ANKRD36C: variants seen among roughly 807,000 people sequenced by gnomAD.
The protein encoded by ANKRD36C is ankyrin repeat domain-containing protein 36C.
In ANKRD36C, 61 loss-of-function variants were observed where a neutral mutation model predicts 276.4. The observed-to-expected ratio is 0.22, with a 90% CI of 0.18 to 0.27. The LOEUF (loss-of-function observed/expected upper bound fraction) is 0.27. Among genes scored for constraint, ANKRD36C ranks in the 10% least tolerant of loss-of-function variants. The pLI is 1.00. For synonymous variants in ANKRD36C, 483 were observed against 680.1 expected, an observed-to-expected ratio of 0.71 and a Z score of 4.51; for missense variants, 1,447 against 2,032.3, an observed-to-expected ratio of 0.71 and a Z score of 5.54.
At chr2:95,926,664 A>G (rs1219378604) in intron 28 of ANKRD36C, among the ~76,000 whole-genome samples, 1 of 151,558 alleles carries the variant, frequency 6.6e-6, no homozygotes, top group Non-Finnish European at 1.5e-5. Context: ...AGCTTCTTTT[A>G]CAAAAATGTT....
At chr2:95,923,379 C>G (rs796882147) in intron 32 of ANKRD36C, 116 bp downstream of exon 32, 4 of 1,351,356 alleles carry the variant, frequency 3.0e-6, no homozygotes, top group South Asian at 2.6e-5. Flanking sequence ...GAAGAATCTC[C>G]GGCCTGCTGA....
At chr2:95,977,084 C>A (rs1678826893) in intron 6 of ANKRD36C, among the ~76,000 whole-genome samples, 1 of 151,960 alleles carries the variant, frequency 6.6e-6, no homozygotes, top group Non-Finnish European at 1.5e-5. Context: ...ACGTCTGCAT[C>A]TCCAACCTCA....
At chr2:95,983,379 T>G (rs1348597467) in intron 3 of ANKRD36C, among the ~76,000 whole-genome samples, 1 of 151,484 alleles carries the variant, frequency 6.6e-6, no homozygotes, top group African/African-American at 2.4e-5. Flanking sequence ...CAAATATTTA[T>G]GTAATTATAA....
At chr2:95,967,404 T>C (rs1678614541) in intron 6 of ANKRD36C, among the ~76,000 whole-genome samples, 2 of 152,280 alleles carry the variant, frequency 1.3e-5, no homozygotes, top group South Asian at 4.1e-4. Flanking sequence ...TCATCACTGA[T>C]CATTAGAGAA....
chr2:95,864,689 A>G (rs1675650901), intron 60 of ANKRD36C, among the ~76,000 whole-genome samples: 1 of 152,050 alleles, frequency 6.6e-6, no homozygotes, highest in Admixed American at 6.6e-5. Context: ...CTTGTCTGAT[A>G]AGCTTTTATT....
chr2:95,887,963 A>G, exon 50 of ANKRD36C: 1 of 1,599,602 alleles, frequency 6.3e-7, no homozygotes, highest in Non-Finnish European at 8.5e-7. Flanking sequence ...TTCTGTGGGT[A>G]TATTCGAAAC....
At chr2:95,920,470 T>C (rs1415141806) in intron 34 of ANKRD36C, among the ~76,000 whole-genome samples, 1 of 132,790 alleles carries the variant, frequency 7.5e-6, no homozygotes, top group African/African-American at 2.6e-5. Flanking sequence ...TGTTTGCTGA[T>C]ACCTAGTAGA....
intron 34 of ANKRD36C, among the ~76,000 whole-genome samples, chr2:95,920,354 C>T (rs1677230215): frequency 7.6e-6 from 1 of 132,254 alleles, no homozygotes; most frequent in Non-Finnish European, 1.7e-5. Flanking sequence ...TGCTCTTTAA[C>T]TTGCCCAATA....
chr2:95,968,017 A>G (rs1487647550), intron 6 of ANKRD36C, among the ~76,000 whole-genome samples: 12 of 152,168 alleles, frequency 7.9e-5, no homozygotes, highest in Admixed American at 2.0e-4. Context: ...GCTTGAACCC[A>G]GGAGGCAGAG....
intron 1 of ANKRD36C, among the ~76,000 whole-genome samples, chr2:95,990,331 A>C (rs982734685): frequency 6.6e-6 from 1 of 152,262 alleles, no homozygotes; most frequent in Non-Finnish European, 1.5e-5. Flanking sequence ...AGGCAATTGC[A>C]GTTTTCGCCA....
chr2:95,908,389 G>C, intron 42 of ANKRD36C, 113 bp downstream of exon 48: 1 of 1,186,856 alleles, frequency 8.4e-7, no homozygotes. Flanking sequence ...AGAATCTCAG[G>C]ACTGCTGAAT....
chr2:95,911,225 A>G lies in ANKRD36C; in HGVS notation c.2653+1019T>C, dbSNP rs1462329802. 2.0e-5 allele frequency among the ~76,000 whole-genome samples: 3 copies of G among 151,422 alleles called. No individual in the cohort carries two copies. In the South Asian group the frequency reaches 6.2e-4, roughly 31 times the overall value. ...CTCCCAAACGTTTCTTCATCCACTC[A>G]TGGCACCAAAGGATAATATATTAGC... On this transcript the variant is annotated intron_variant, in intron 42 of 66. Transcript: ENST00000456556.
rs1677283662 is a variant in ANKRD36C, at chr2:95,921,954, A to G, written c.2144-144T>C. On this transcript the variant is annotated intron_variant, in intron 32 of 66. Coordinates refer to ENST00000456556, the Ensembl canonical transcript of ANKRD36C. ...CTACTTTATGTCTTAAGCCAGGAGC[A>G]TGACAGAAATATACTAAAGAAAACA... The G allele has an allele frequency of 1.6e-5, 14 of 875,818 alleles. No individual in the cohort carries two copies. In the South Asian group the frequency reaches 3.1e-4, roughly 19 times the overall value. 54.3% of individuals were successfully genotyped at this position (875,818 alleles called of 1,614,324 possible). A position where few individuals can be genotyped will look rare whatever the true frequency, so the allele number is the denominator to read the frequency against.
At chr2:95,969,782 A>G (rs1317412568) in intron 6 of ANKRD36C, among the ~76,000 whole-genome samples, 1 of 152,186 alleles carries the variant, frequency 6.6e-6, no homozygotes, top group Non-Finnish European at 1.5e-5. Context: ...TAGGGTGACT[A>G]TAGTACATGA....
chr2:95,920,885 T>C (rs1039883478), intron 34 of ANKRD36C, among the ~76,000 whole-genome samples: 6 of 149,602 alleles, frequency 4.0e-5, no homozygotes, highest in African/African-American at 1.5e-4. Context: ...TTCAAGTTTA[T>C]CTCATTTTTA....
intron 24 of ANKRD36C, among the ~76,000 whole-genome samples, chr2:95,932,774 A>G (rs1270775421): frequency 1.3e-5 from 2 of 151,428 alleles, no homozygotes; most frequent in Admixed American, 6.6e-5. Context: ...CAAGTTCCTT[A>G]GTTTAATTAG....
At chr2:95,859,999 C>G in exon 61 of ANKRD36C, 1 of 1,548,572 alleles carries the variant, frequency 6.5e-7, no homozygotes, top group Non-Finnish European at 8.7e-7. Flanking sequence ...AAGTTGCTCA[C>G]AGTGATTATC....
At chr2:95,870,412 A>G (rs947957852) in intron 59 of ANKRD36C, among the ~76,000 whole-genome samples, 4 of 152,216 alleles carry the variant, frequency 2.6e-5, no homozygotes, top group Non-Finnish European at 4.4e-5. Context: ...CAGGGTCTGG[A>G]GTGGACCTCT....
chr2:95,895,749 T>C (rs1386241367), intron 44 of ANKRD36C, among the ~76,000 whole-genome samples, 159 bp from the exon 61 acceptor site: 1 of 151,006 alleles, frequency 6.6e-6, no homozygotes, highest in Non-Finnish European at 1.5e-5. Flanking sequence ...GTGACAGAAA[T>C]ACACTGAAAA....
Sources: allele counts gnomAD v4.1 joint callset (sites outside exome capture counted in the v4.1 genomes callset), GRCh38; gene constraint gnomAD v4.1.1; transcripts MANE v1.5; gene names NCBI Gene and HGNC (gene_info 2026-07-23, HGNC 2026-07-21).